Variants in GABRB1 observed in about 807,000 individuals in gnomAD.
The protein encoded by GABRB1 is gamma-aminobutyric acid type A receptor subunit beta1.
In GABRB1, 17 loss-of-function variants were observed where a neutral mutation model predicts 51.6. The observed-to-expected ratio is 0.33, with a 90% CI of 0.23 to 0.49. The LOEUF is 0.49. Among genes scored for constraint, GABRB1 ranks in the 20% least tolerant of loss-of-function variants. The pLI is 0.99. For missense variants in GABRB1, 410 were observed against 600.6 expected (o/e 0.68, Z 3.32); for synonymous variants, 247 against 218.9 (o/e 1.13, Z -1.14).
At chr4:47,213,421 G>T (rs569731483) in intron 4 of GABRB1, among the ~76,000 whole-genome samples, 2 of 148,306 alleles carry the variant, frequency 1.3e-5, no homozygotes, top group African/African-American at 5.0e-5. Context: ...TTTCACATTC[G>T]CTCTCTCTCT....
At chr4:47,019,625 C>CTT (rs1553909518) in intron 1 of GABRB1, among the ~76,000 whole-genome samples, 56 of 91,060 alleles carry the variant, frequency 6.1e-4, no homozygotes, top group African/African-American at 1.2e-3. Flanking sequence ...TTCTTTCTCT[C>CTT]TCTTTCTTTC....
chr4:47,005,611 G>A (rs1443493918), intron 1 of GABRB1, among the ~76,000 whole-genome samples: 3 of 150,166 alleles, frequency 2.0e-5, no homozygotes, highest in Admixed American at 2.0e-4. Context: ...AAAAACCATC[G>A]GCAGTCTCTC....
At chr4:47,341,968 G>T (rs1358297426) in intron 5 of GABRB1, among the ~76,000 whole-genome samples, 2 of 152,078 alleles carry the variant, frequency 1.3e-5, no homozygotes, top group African/African-American at 2.4e-5. Flanking sequence ...AGATTATTTA[G>T]GTCAACTCCC....
chr4:47,045,916 G>T lies in GABRB1; in HGVS notation c.240+13432G>T, dbSNP rs1726063156. Reference sequence around the variant, plus strand: ...TGTTATGAGAGCTTAATATGGTTTGGCTCTGTGTCCCCACTCAAATCTTAC... The same window carrying T: ...TGTTATGAGAGCTTAATATGGTTTGTCTCTGTGTCCCCACTCAAATCTTAC... On this transcript the variant is annotated intron_variant, in intron 3 of 8. Transcript: ENST00000295454. 3.3e-5 allele frequency among the ~76,000 whole-genome samples: 5 copies of T among 152,106 alleles called. No homozygotes were observed. The South Asian group carries it at 1.0e-3, about 31-fold the overall frequency.
intron 3 of GABRB1, among the ~76,000 whole-genome samples, chr4:47,079,756 C>A (rs995527166): frequency 6.7e-6 from 1 of 148,536 alleles, no homozygotes. Flanking sequence ...GGACAAAAAA[C>A]CAAACACCAC....
At chr4:47,137,819 C>T (rs905191595) in intron 3 of GABRB1, among the ~76,000 whole-genome samples, 2 of 151,944 alleles carry the variant, frequency 1.3e-5, no homozygotes, top group African/African-American at 2.4e-5. Context: ...TCACATTGAA[C>T]TTTAGGGAAC....
chr4:47,225,911 T>C (rs1333304131), intron 4 of GABRB1, among the ~76,000 whole-genome samples: 1 of 152,090 alleles, frequency 6.6e-6, no homozygotes. Flanking sequence ...ATATCAAGCA[T>C]TTTATTTTCT....
intron 3 of GABRB1, among the ~76,000 whole-genome samples, chr4:47,082,647 C>T (rs181748744): frequency 6.6e-6 from 1 of 151,800 alleles, no homozygotes; most frequent in East Asian, 1.9e-4. Context: ...ATCTCCCAAA[C>T]CTTGGAATGT....
chr4:47,253,554 A>T (rs1184843264), intron 4 of GABRB1, among the ~76,000 whole-genome samples: 1 of 152,074 alleles, frequency 6.6e-6, no homozygotes, highest in African/African-American at 2.4e-5. Context: ...TTATTTACAA[A>T]TTGTTCCTTT....
intron 1 of GABRB1, among the ~76,000 whole-genome samples, chr4:47,022,008 C>T (rs1288788880): frequency 6.6e-6 from 1 of 152,046 alleles, no homozygotes; most frequent in Non-Finnish European, 1.5e-5. Flanking sequence ...CTTTCTGTTT[C>T]ATCAAAATTG....
chr4:47,014,952 A>C (rs1399668370), intron 1 of GABRB1, among the ~76,000 whole-genome samples: 1 of 152,138 alleles, frequency 6.6e-6, no homozygotes, highest in Non-Finnish European at 1.5e-5. Flanking sequence ...TGCCTTGCAG[A>C]CTGGAGTGCA....
intron 4 of GABRB1, among the ~76,000 whole-genome samples, chr4:47,265,334 T>G (rs1722607859): frequency 6.6e-6 from 1 of 152,162 alleles, no homozygotes; most frequent in African/African-American, 2.4e-5. Flanking sequence ...ACATACCACA[T>G]TTTATTCATC....
At chr4:47,135,655 G>A (rs187944837) in intron 3 of GABRB1, among the ~76,000 whole-genome samples, 6 of 151,922 alleles carry the variant, frequency 3.9e-5, no homozygotes, top group Non-Finnish European at 8.8e-5. Context: ...TTCTGCATCA[G>A]TCAACCAGAG....
At chr4:47,082,155 G>A (rs1560525674) in intron 3 of GABRB1, among the ~76,000 whole-genome samples, 3 of 151,978 alleles carry the variant, frequency 2.0e-5, no homozygotes, top group Non-Finnish European at 2.9e-5. Context: ...TTCTGTAAGA[G>A]TTGAGGGTCC....
chr4:47,247,901 G>A lies in GABRB1; in HGVS notation c.462-72226G>A, dbSNP rs558293509. On this transcript the variant is annotated intron_variant, in intron 4 of 8. Transcript: ENST00000295454. The stretch of plus-strand genomic sequence containing the variant: ...TGCTGAATTCTTTTATCAGTTCTTG[G>A]AGCTTTCTGGAGGAGTCTTTAGGGT... 2.0e-5 allele frequency among the ~76,000 whole-genome samples: 3 copies of A among 152,090 alleles called. No individual in the cohort carries two copies. The East Asian group carries it at 5.8e-4, about 29-fold the overall frequency.
intron 5 of GABRB1, among the ~76,000 whole-genome samples, chr4:47,327,227 G>A (rs566837261): frequency 1.3e-5 from 2 of 152,092 alleles, no homozygotes; most frequent in East Asian, 3.9e-4. Context: ...ACGATGGCAT[G>A]GGCCTGTAGT....
At chr4:47,383,628 G>T (rs1003201061) in intron 5 of GABRB1, among the ~76,000 whole-genome samples, 2 of 152,016 alleles carry the variant, frequency 1.3e-5, no homozygotes, top group Non-Finnish European at 2.9e-5. Context: ...GTGAAGAATG[G>T]GTTCATATCA....
At chr4:47,123,882 AAT>A (rs1475286206) in intron 3 of GABRB1, among the ~76,000 whole-genome samples, 16 of 77,324 alleles carry the variant, frequency 2.1e-4, no homozygotes, top group South Asian at 9.3e-4. Context: ...TCTTATATAT[AAT>A]ATATATAATA....
At chr4:47,162,051 G>T (rs1717977835) in intron 4 of GABRB1, among the ~76,000 whole-genome samples, 1 of 151,950 alleles carries the variant, frequency 6.6e-6, no homozygotes, top group Non-Finnish European at 1.5e-5. Flanking sequence ...AACATCAATT[G>T]TTCTTGGCAA....
Sources: allele counts gnomAD v4.1 joint callset (sites outside exome capture counted in the v4.1 genomes callset), GRCh38; gene constraint gnomAD v4.1.1; transcripts MANE v1.5; gene names NCBI Gene and HGNC (gene_info 2026-07-23, HGNC 2026-07-21).